Variants in HS3ST4 observed in about 807,000 individuals in gnomAD.
HS3ST4 encodes heparan sulfate glucosamine 3-O-sulfotransferase 4.
HS3ST4 carries 17 observed loss-of-function variants against 29.2 expected under a neutral mutation model. That is an observed-to-expected ratio of 0.58 (90% CI 0.40 to 0.87). The LOEUF (loss-of-function observed/expected upper bound fraction) is 0.87, where lower values mean the gene tolerates loss of function less well. Among genes scored for constraint, HS3ST4 ranks in the 40% least tolerant of loss-of-function variants. The pLI is 0.00. For synonymous variants in HS3ST4, 314 were observed against 285.7 expected, an observed-to-expected ratio of 1.10 and a Z score of -1.00; for missense variants, 627 against 634.5, an observed-to-expected ratio of 0.99 and a Z score of 0.13.
intron 1 of HS3ST4, among the ~76,000 whole-genome samples, chr16:25,725,296 A>T (rs1174985419): frequency 2.0e-5 from 3 of 152,120 alleles, no homozygotes; most frequent in Non-Finnish European, 2.9e-5. Context: ...AGCCATCTAA[A>T]GGTTGTGATT....
Position 26,137,222 on chromosome 16 carries a change from T to TC in HS3ST4, c.*977dup, listed in dbSNP as rs1898296162. 1 of 151,978 alleles carries TC rather than the reference T, an allele frequency of 6.6e-6. No individual in the cohort carries two copies. The highest frequency in any genetic ancestry group is 1.5e-5 in the Non-Finnish European group (1 of 68,012). 9.4% of individuals were successfully genotyped at this position (151,978 alleles called of 1,614,324 possible). ...TTGGGGTGGACTCTGTCCCCTAGGG[T>TC]CCCTAGAAGGGCAAAGACCAGAGAG... On this transcript the variant is annotated 3_prime_UTR_variant, in exon 2 of 2. Transcript: ENST00000331351.
intron 1 of HS3ST4, among the ~76,000 whole-genome samples, chr16:25,953,191 C>T (rs149770637): frequency 4.0e-4 from 61 of 152,206 alleles, no homozygotes; most frequent in Non-Finnish European, 8.1e-4. Context: ...TAGCTTGTGT[C>T]GAGGAGCAGG....
chr16:25,799,993 A>G (rs1966915718), intron 1 of HS3ST4, among the ~76,000 whole-genome samples: 1 of 151,926 alleles, frequency 6.6e-6, no homozygotes, highest in Non-Finnish European at 1.5e-5. Context: ...GTGCACCACT[A>G]CACATGATCT....
intron 1 of HS3ST4, among the ~76,000 whole-genome samples, chr16:26,101,124 C>T (rs1358481857): frequency 6.6e-6 from 1 of 152,206 alleles, no homozygotes; most frequent in Non-Finnish European, 1.5e-5. Flanking sequence ...CACTTTTCTG[C>T]AGAACCTCTG....
At chr16:25,705,728 A>T (rs1409717843) in intron 1 of HS3ST4, among the ~76,000 whole-genome samples, 1 of 152,174 alleles carries the variant, frequency 6.6e-6, no homozygotes, top group South Asian at 2.1e-4. Flanking sequence ...TGGAATCAGA[A>T]ATTAAGGATT....
intron 1 of HS3ST4, among the ~76,000 whole-genome samples, chr16:25,904,073 T>TG (rs1968150379): frequency 6.6e-6 from 1 of 151,028 alleles, no homozygotes; most frequent in African/African-American, 2.5e-5. Context: ...ACTGGATGAA[T>TG]AGATGGATGG....
chr16:26,027,454 T>G (rs1398064917), intron 1 of HS3ST4, among the ~76,000 whole-genome samples: 1 of 152,232 alleles, frequency 6.6e-6, no homozygotes, highest in Non-Finnish European at 1.5e-5. Flanking sequence ...GTGAACATTG[T>G]CTACTTTGTC....
chr16:26,120,154 AT>A (rs1265303973), intron 1 of HS3ST4, among the ~76,000 whole-genome samples: 2 of 151,926 alleles, frequency 1.3e-5, no homozygotes, highest in Non-Finnish European at 2.9e-5. Context: ...TAATATAAGA[AT>A]CTTTATAGCA....
At chr16:25,857,948 C>CTTTCTTTCTTTCTTTCTTTCTTTCTTTA (rs1967596744) in intron 1 of HS3ST4, among the ~76,000 whole-genome samples, 1 of 57,104 alleles carries the variant, frequency 1.8e-5, no homozygotes, top group Non-Finnish European at 3.4e-5. Flanking sequence ...TTCTTTCTTT[C>CTTTCTTTCTTTCTTTCTTTCTTTCTTTA]TTTCTTTCTT....
chr16:25,854,804 A>G (rs1259533040), intron 1 of HS3ST4, among the ~76,000 whole-genome samples: 4 of 147,380 alleles, frequency 2.7e-5, no homozygotes, highest in Non-Finnish European at 6.0e-5. Context: ...AAAAAAAAAG[A>G]AAATGCAAAC....
At chr16:25,928,772 T>A (rs892244972) in intron 1 of HS3ST4, among the ~76,000 whole-genome samples, 1 of 152,144 alleles carries the variant, frequency 6.6e-6, no homozygotes, top group African/African-American at 2.4e-5. Flanking sequence ...TTGGGGTTCC[T>A]CATGACCCAC....
At chr16:26,036,632 G>A (rs954482096) in intron 1 of HS3ST4, among the ~76,000 whole-genome samples, 1 of 152,070 alleles carries the variant, frequency 6.6e-6, no homozygotes, top group African/African-American at 2.4e-5. Context: ...TTTTTCCTAT[G>A]CATTCCATCT....
intron 1 of HS3ST4, among the ~76,000 whole-genome samples, chr16:25,865,895 C>G (rs1967689291): frequency 6.6e-6 from 1 of 152,108 alleles, no homozygotes; most frequent in Admixed American, 6.6e-5. Context: ...AGAAAAGTTT[C>G]TCAACATTTC....
intron 1 of HS3ST4, among the ~76,000 whole-genome samples, chr16:26,106,215 G>C (rs1446454946): frequency 6.6e-6 from 1 of 151,958 alleles, no homozygotes; most frequent in East Asian, 1.9e-4. Context: ...ACAATAGTTG[G>C]CCAGAGACAT....
intron 1 of HS3ST4, among the ~76,000 whole-genome samples, chr16:25,879,704 A>C (rs761880173): frequency 1.6e-4 from 24 of 152,190 alleles, no homozygotes; most frequent in Non-Finnish European, 2.1e-4. Flanking sequence ...ACTGAACCTA[A>C]GGAAGAATAA....
In HS3ST4 at chr16:25,815,742, T is replaced by G. The variant is rs539053125; in HGVS notation, c.734+122591T>G. On this transcript the variant is annotated intron_variant, in intron 1 of 1. Transcript: ENST00000331351. ...AACTTCAGCTTCATTAGCTTCATGGTCAACTTTTGCCCAAGGATTTTTAGA... is the reference window on the plus strand; with the variant it reads ...AACTTCAGCTTCATTAGCTTCATGGGCAACTTTTGCCCAAGGATTTTTAGA... 9.5e-4 allele frequency among the ~76,000 whole-genome samples: 145 copies of G among 152,302 alleles called. 1 individual carries two copies. Among genetic ancestry groups the G allele is most frequent in the African/African-American group, 3.3e-3 (139 of 41,564 alleles).
At chr16:25,871,439 A>G (rs939866385) in intron 1 of HS3ST4, among the ~76,000 whole-genome samples, 1 of 152,174 alleles carries the variant, frequency 6.6e-6, no homozygotes, top group Non-Finnish European at 1.5e-5. Context: ...TGGAAAAATT[A>G]CAGCCACATG....
chr16:25,925,098 A>G (rs1192633323), intron 1 of HS3ST4, among the ~76,000 whole-genome samples: 1 of 151,766 alleles, frequency 6.6e-6, no homozygotes, highest in East Asian at 1.9e-4. Flanking sequence ...TTGGAAATCA[A>G]TGGCATCTTT....
At chr16:25,903,778 C>T (rs1258068564) in intron 1 of HS3ST4, among the ~76,000 whole-genome samples, 1 of 150,056 alleles carries the variant, frequency 6.7e-6, no homozygotes, top group Non-Finnish European at 1.5e-5. Context: ...TCCATACTCC[C>T]CTCCCACATT....
Sources: allele counts gnomAD v4.1 joint callset (sites outside exome capture counted in the v4.1 genomes callset), GRCh38; gene constraint gnomAD v4.1.1; transcripts MANE v1.5; gene names NCBI Gene and HGNC (gene_info 2026-07-23, HGNC 2026-07-21).